Variants in PLA2G10 observed in about 807,000 individuals in gnomAD.
The protein encoded by PLA2G10 is group 10 secretory phospholipase A2.
In PLA2G10, 9 loss-of-function variants were observed where a neutral mutation model predicts 7.9. The ratio of observed to expected loss-of-function variants is 1.14; its 90% CI spans 0.68 to 1.98. The LOEUF (loss-of-function observed/expected upper bound fraction) is 1.98. Among genes scored for constraint, PLA2G10 ranks in the 30% most tolerant of loss-of-function variants. The pLI, the probability that PLA2G10 is intolerant of heterozygous loss-of-function variation, is 0.00. For missense variants in PLA2G10, 53 were observed against 65.4 expected, an observed-to-expected ratio of 0.81 and a Z score of 0.66; for synonymous variants, 19 against 27.5, an observed-to-expected ratio of 0.69 and a Z score of 0.97.
chr16:14,683,463 T>C (rs1453549089), intron 3 of PLA2G10, among the ~76,000 whole-genome samples: 3 of 151,968 alleles, frequency 2.0e-5, no homozygotes, highest in Non-Finnish European at 4.4e-5. Context: ...CTCGAACTCC[T>C]GAGTTCAGGC....
chr16:14,674,698 TAAAA>T (rs535688681), intron 3 of PLA2G10, among the ~76,000 whole-genome samples: 25 of 140,070 alleles, frequency 1.8e-4, no homozygotes, highest in Admixed American at 1.0e-3. Flanking sequence ...AGACTCCATC[TAAAA>T]AAAAAAAGAA....
chr16:14,680,262 G>A (rs571461986), intron 3 of PLA2G10, among the ~76,000 whole-genome samples: 127 of 151,964 alleles, frequency 8.4e-4, no homozygotes, highest in African/African-American at 2.8e-3. Context: ...CACCACGACC[G>A]GCTAATTTCA....
At chr16:14,678,046 C>A (rs1034884285) in intron 3 of PLA2G10, among the ~76,000 whole-genome samples, 1 of 152,146 alleles carries the variant, frequency 6.6e-6, no homozygotes, top group East Asian at 1.9e-4. Context: ...CAGGAACAAG[C>A]CTTCCTGCCT....
At chr16:14,681,537 A>T (rs1409137691) in intron 3 of PLA2G10, among the ~76,000 whole-genome samples, 1 of 152,074 alleles carries the variant, frequency 6.6e-6, no homozygotes, top group African/African-American at 2.4e-5. Context: ...AAGAATAAAA[A>T]TTTGAAAGGA....
chr16:14,676,261 G>A (rs1310687144), intron 3 of PLA2G10, among the ~76,000 whole-genome samples: 1 of 152,160 alleles, frequency 6.6e-6, no homozygotes, highest in African/African-American at 2.4e-5. Flanking sequence ...CCACTACTAG[G>A]TATCTACCCA....
intron 3 of PLA2G10, among the ~76,000 whole-genome samples, chr16:14,678,113 G>A (rs549136356): frequency 6.6e-6 from 1 of 152,270 alleles, no homozygotes; most frequent in Admixed American, 6.5e-5. Context: ...ATGATGTAGT[G>A]GGGAGGGGAC....
chr16:14,686,960 T>C (rs1961089810), intron 3 of PLA2G10, among the ~76,000 whole-genome samples: 1 of 151,814 alleles, frequency 6.6e-6, no homozygotes, highest in African/African-American at 2.4e-5. Flanking sequence ...ACAAAAATAT[T>C]AGCCAGGTGT....
intron 3 of PLA2G10, among the ~76,000 whole-genome samples, chr16:14,674,331 A>G (rs1372453239): frequency 2.0e-5 from 3 of 152,238 alleles, no homozygotes; most frequent in Non-Finnish European, 4.4e-5. Flanking sequence ...TACAGATTCA[A>G]TGCAATTCCT....
intron 3 of PLA2G10, among the ~76,000 whole-genome samples, chr16:14,677,867 ATGG>A (rs1960767891): frequency 6.8e-6 from 1 of 147,792 alleles, no homozygotes; most frequent in Non-Finnish European, 1.5e-5. Flanking sequence ...GGATGGATGG[ATGG>A]ATGGATGGAT....
At chr16:14,679,496 C>T (rs1382817330) in intron 3 of PLA2G10, among the ~76,000 whole-genome samples, 1 of 151,870 alleles carries the variant, frequency 6.6e-6, no homozygotes, top group Non-Finnish European at 1.5e-5. Context: ...CCCATCTCTA[C>T]TAAAAATACA....
intron 3 of PLA2G10, among the ~76,000 whole-genome samples, chr16:14,681,634 C>G (rs1436693702): frequency 6.6e-6 from 1 of 151,788 alleles, no homozygotes; most frequent in East Asian, 1.9e-4. Context: ...ATATTTAAGT[C>G]AGGCCCATAA....
intron 3 of PLA2G10, among the ~76,000 whole-genome samples, chr16:14,686,957 TA>T (rs1961089713): frequency 1.3e-5 from 2 of 151,560 alleles, no homozygotes; most frequent in African/African-American, 4.8e-5. Flanking sequence ...AATACAAAAA[TA>T]TTAGCCAGGT....
chr16:14,683,487 C>T (rs980444768), intron 3 of PLA2G10, among the ~76,000 whole-genome samples: 1 of 152,046 alleles, frequency 6.6e-6, no homozygotes, highest in Non-Finnish European at 1.5e-5. Flanking sequence ...CCATCCGCCT[C>T]AGCCTCCCAA....
At chr16:14,679,776 A>G (rs576497253) in intron 3 of PLA2G10, among the ~76,000 whole-genome samples, 1 of 152,086 alleles carries the variant, frequency 6.6e-6, no homozygotes, top group East Asian at 1.9e-4. Flanking sequence ...CCTTAATCTC[A>G]GGATTTTGAG....
chr16:14,677,612 G>A (rs777597161), intron 3 of PLA2G10, among the ~76,000 whole-genome samples: 7 of 152,062 alleles, frequency 4.6e-5, no homozygotes, highest in South Asian at 4.1e-4. Flanking sequence ...TGATCTGCCC[G>A]CCTTAGCCTC....
chr16:14,682,353 C>A (rs1345692434), intron 3 of PLA2G10, among the ~76,000 whole-genome samples: 2 of 151,716 alleles, frequency 1.3e-5, no homozygotes, highest in Non-Finnish European at 2.9e-5. Flanking sequence ...GAGGCCGAGG[C>A]GGATGGATCA....
chr16:14,683,303 G>C (rs1387583821), intron 3 of PLA2G10, among the ~76,000 whole-genome samples: 1 of 145,258 alleles, frequency 6.9e-6, no homozygotes, highest in Non-Finnish European at 1.5e-5. Flanking sequence ...TGCAATCTCT[G>C]CTCACTGCAA....
Position 14,681,876 on chromosome 16 carries a change from G to A in PLA2G10, c.355+6289C>T, listed in dbSNP as rs185653831. Among the ~76,000 whole-genome samples, 614 of 151,658 alleles carry A rather than the reference G, an allele frequency of 4.0e-3. 1 individual carries two copies. Among genetic ancestry groups the A allele is most frequent in the Non-Finnish European group, 6.6e-3 (446 of 67,940 alleles). On this transcript the variant is annotated intron_variant, in intron 3 of 3. Coordinates refer to ENST00000438167, the MANE Select transcript of PLA2G10 (RefSeq NM_003561.3). Reference sequence around the variant, plus strand: ...AGCAAGCAGAATAGGCAAGTTGAAGGGAGAAAGGAAAGATTTTCAACAGAT... The same window carrying A: ...AGCAAGCAGAATAGGCAAGTTGAAGAGAGAAAGGAAAGATTTTCAACAGAT...
rs139271718 is a variant in PLA2G10 at position 14,687,687 on chromosome 16, C to G, written c.355+478G>C. On this transcript the variant is annotated intron_variant, in intron 3 of 3. Transcript: ENST00000438167. ...TTCTTCATGGTTTTCTTTTTCAAGT[C>G]CTCATTGTTAAAGATCACTCACATT... 3.6e-3 allele frequency among the ~76,000 whole-genome samples: 552 copies of G among 151,826 alleles called. 4 individuals carry two copies. Among genetic ancestry groups the G allele is most frequent in the South Asian group, 8.8e-3 (42 of 4,794 alleles).
Sources: gnomAD v4.1 joint callset for allele counts (sites outside exome capture counted in the v4.1 genomes callset) on GRCh38, gnomAD v4.1.1 for gene constraint, MANE v1.5 for transcripts, NCBI Gene and HGNC (gene_info 2026-07-23, HGNC 2026-07-21) for gene names.